Variants in USH2A observed in about 807,000 individuals in gnomAD.
USH2A encodes the protein usherin, also known as Usher syndrome 2A (autosomal recessive, mild).
In USH2A, 443 loss-of-function variants were observed where a neutral mutation model predicts 538.9. That is an observed-to-expected ratio of 0.82 (90% CI 0.76 to 0.89). USH2A has a LOEUF of 0.89. USH2A is among the 40% of genes least tolerant of loss of function. USH2A has a pLI of 0.00. For missense variants in USH2A, 6,633 were observed against 6,324.8 expected, an observed-to-expected ratio of 1.05 and a Z score of -1.65; for synonymous variants, 2,413 against 2,273.5, an observed-to-expected ratio of 1.06 and a Z score of -1.75.
At chr1:216,191,741 G>C (rs1455555147) in intron 19 of USH2A, among the ~76,000 whole-genome samples, 3 of 151,842 alleles carry the variant, frequency 2.0e-5, no homozygotes, top group Non-Finnish European at 4.4e-5. Flanking sequence ...AATCCTGGTA[G>C]ATTTCAATGT....
At chr1:216,106,390 G>T (rs2032733245) in intron 21 of USH2A, among the ~76,000 whole-genome samples, 1 of 150,046 alleles carries the variant, frequency 6.7e-6, no homozygotes. Flanking sequence ...TTCTTAGTTT[G>T]CTGAAAGTTT....
intron 41 of USH2A, 122 bp downstream of exon 41, chr1:215,888,304 T>C: frequency 1.3e-6 from 2 of 1,482,528 alleles, no homozygotes; most frequent in African/African-American, 2.8e-5. Context: ...ACCCAGTTTC[T>C]CCAGTGAATG....
chr1:216,261,047 A>G lies in USH2A; in HGVS notation c.1972-9949T>C, dbSNP rs78606385. On this transcript the variant is annotated intron_variant, in intron 11 of 71. Coordinates refer to ENST00000307340, the MANE Select transcript of USH2A (RefSeq NM_206933.4). ...TTTGGAAATGTTTTACCATTTCTCT[A>G]CAGAATAAAGCAGATGGCAAAATTC... 9.9e-3 allele frequency among the ~76,000 whole-genome samples: 1,505 copies of G among 152,308 alleles called. 23 individuals are homozygous for G. Among genetic ancestry groups the G allele is most frequent in the African/African-American group, 0.034 (1,411 of 41,576 alleles).
chr1:216,081,408 A>C (rs2031937339), intron 26 of USH2A, among the ~76,000 whole-genome samples: 1 of 152,164 alleles, frequency 6.6e-6, no homozygotes, highest in Admixed American at 6.6e-5. Flanking sequence ...ATGCATATTG[A>C]AATAAGTCAG....
Position 216,289,364 on chromosome 1 carries a change from A to G in USH2A, c.1887T>C (p.Gly629=). 1 of 1,613,990 alleles carries G rather than the reference A, an allele frequency of 6.2e-7. No individual in the cohort carries two copies. Among genetic ancestry groups the G allele is most frequent in the Non-Finnish European group, 8.5e-7 (1 of 1,179,858 alleles). Residue 629 remains glycine (G), a synonymous_variant, in exon 11 of 72, where the codon GGT becomes GGC. Transcript: ENST00000307340. ...AAACATCTATGGCCGAAGGATCTGC[A>G]CCAACTTGTCGGAAAAAGTAATCCT... ...LCKDYFFRQV[G]ADPSAIDVCK...
Position 215,745,736 on chromosome 1 carries a change from A to G in USH2A, c.11390-2401T>C, listed in dbSNP as rs576465396. ...AAGGACTTGAACTTAGGCCCATCTG[A>G]TATCAACACTTATATCAATATACTT... On this transcript the variant is annotated intron_variant, in intron 58 of 71. Coordinates refer to ENST00000307340, the MANE Select transcript of USH2A (RefSeq NM_206933.4). Among the ~76,000 whole-genome samples the G allele has an allele frequency of 1.1e-4, 17 of 152,354 alleles. No homozygotes were observed. The South Asian group carries it at 3.5e-3, about 32-fold the overall frequency.
intron 30 of USH2A, among the ~76,000 whole-genome samples, chr1:216,058,709 G>A (rs17025987): frequency 0.043 from 6,605 of 152,114 alleles, 518 homozygotes; most frequent in African/African-American, 0.15. Context: ...TTAAAGAACT[G>A]TTGATAAAAG....
chr1:216,305,376 C>A (rs2037296166), intron 9 of USH2A, among the ~76,000 whole-genome samples: 3 of 152,056 alleles, frequency 2.0e-5, no homozygotes, highest in African/African-American at 7.2e-5. Context: ...CTTTTTCCAC[C>A]TCTTTACCTT....
At chr1:216,190,066 GGTT>G (rs1448601236) in intron 20 of USH2A, among the ~76,000 whole-genome samples, 154 bp downstream of exon 20, 2 of 151,864 alleles carry the variant, frequency 1.3e-5, no homozygotes, top group East Asian at 1.9e-4. Flanking sequence ...GTTACGTTTT[GGTT>G]GTTGTTGTTT....
At chr1:215,724,352 C>T (rs1571623189) in intron 61 of USH2A, among the ~76,000 whole-genome samples, 1 of 151,622 alleles carries the variant, frequency 6.6e-6, no homozygotes, top group Admixed American at 6.6e-5. Flanking sequence ...CATGAAGTAA[C>T]TCAGACACAG....
chr1:216,033,792 C>A lies in USH2A; in HGVS notation c.6325+12639G>T, dbSNP rs145404972. Among the ~76,000 whole-genome samples, 26 of 152,176 alleles carry A rather than the reference C, an allele frequency of 1.7e-4. 1 individual carries two copies. The highest frequency in any genetic ancestry group is 6.3e-4 in the African/African-American group (26 of 41,504). On this transcript the variant is annotated intron_variant, in intron 32 of 71. Coordinates refer to ENST00000307340, the MANE Select transcript of USH2A (RefSeq NM_206933.4). ...TCGAGGCTGCAGTGAGCTGTGAATG[C>A]GCCACTGCACTCCATCCAGCCTGGG...
intron 38 of USH2A, among the ~76,000 whole-genome samples, chr1:215,925,233 T>C (rs1179895565): frequency 1.3e-5 from 2 of 152,154 alleles, no homozygotes; most frequent in Admixed American, 6.6e-5. Context: ...AAGACAGTCA[T>C]AAATCCTTTG....
chr1:216,141,377 G>C (rs1033998771), intron 21 of USH2A, among the ~76,000 whole-genome samples: 2 of 152,316 alleles, frequency 1.3e-5, no homozygotes, highest in African/African-American at 4.8e-5. Flanking sequence ...ACCCTAGCGA[G>C]CATCACAGGA....
At chr1:216,124,420 A>G (rs896435447) in intron 21 of USH2A, among the ~76,000 whole-genome samples, 73 of 151,328 alleles carry the variant, frequency 4.8e-4, no homozygotes, top group African/African-American at 1.7e-3. Flanking sequence ...ACTTTAAAGG[A>G]AAAAAAAAGC....
At chr1:216,259,940 T>C (rs926941386) in intron 11 of USH2A, among the ~76,000 whole-genome samples, 2 of 151,868 alleles carry the variant, frequency 1.3e-5, no homozygotes, top group African/African-American at 4.8e-5. Context: ...TATAAATAAA[T>C]ATTGGCAACG....
intron 37 of USH2A, among the ~76,000 whole-genome samples, chr1:215,936,296 TA>T (rs1261611701): frequency 3.3e-5 from 5 of 152,060 alleles, no homozygotes; most frequent in African/African-American, 1.2e-4. Context: ...TTGCATCGTA[TA>T]GTATACAAAA....
rs931679549 is a variant in USH2A, at chr1:215,681,258, A to G, written c.12067-882T>C. 2.0e-5 allele frequency among the ~76,000 whole-genome samples: 3 copies of G among 152,066 alleles called. No individual in the cohort carries two copies. The East Asian group carries it at 5.8e-4, about 29-fold the overall frequency. The stretch of plus-strand genomic sequence containing the variant: ...CTCTTTCCACATCTGGACTGAAAGG[A>G]TATGTCCTTTTAAAGTAGGAATTAT... On this transcript the variant is annotated intron_variant, in intron 61 of 71. Transcript: ENST00000307340.
At chr1:215,961,988 G>T (rs931783226) in intron 37 of USH2A, among the ~76,000 whole-genome samples, 1 of 151,846 alleles carries the variant, frequency 6.6e-6, no homozygotes, top group Non-Finnish European at 1.5e-5. Context: ...TTAAACCTCT[G>T]TAAAAATGTG....
At chr1:216,062,736 C>G (rs1018296806) in intron 30 of USH2A, among the ~76,000 whole-genome samples, 8 of 152,106 alleles carry the variant, frequency 5.3e-5, no homozygotes, top group Non-Finnish European at 8.8e-5. Flanking sequence ...ACTCTACAAG[C>G]CGTGTTCTGA....
Sources: allele counts gnomAD v4.1 joint callset (sites outside exome capture counted in the v4.1 genomes callset), GRCh38; gene constraint gnomAD v4.1.1; transcripts MANE v1.5; gene names NCBI Gene and HGNC (gene_info 2026-07-23, HGNC 2026-07-21).